MMADHC: variants seen among roughly 807,000 people sequenced by gnomAD.
MMADHC encodes cobalamin trafficking protein CblD.
A neutral mutation model predicts 36.3 loss-of-function variants in MMADHC; 23 were observed. The observed-to-expected ratio is 0.63, with a 90% CI of 0.46 to 0.90. The LOEUF (loss-of-function observed/expected upper bound fraction) is 0.90, where lower values mean the gene tolerates loss of function less well. Ranked by LOEUF, MMADHC falls within the 40% of genes least tolerant of loss-of-function variation. MMADHC has a pLI of 0.00. For missense variants in MMADHC, 330 were observed against 348.0 expected (o/e 0.95, Z 0.41); for synonymous variants, 97 against 116.1 (o/e 0.84, Z 1.06).
intron 4 of MMADHC, 68 bp from the exon 5 acceptor site, chr2:149,576,610 A>AAAAT: frequency 9.1e-7 from 1 of 1,093,502 alleles, no homozygotes; most frequent in East Asian, 2.4e-5. Flanking sequence ...TGCCTGTTAT[A>AAAAT]AACCTGTCTT....
At chr2:149,583,824 T>C (rs1665863884) in intron 2 of MMADHC, among the ~76,000 whole-genome samples, 1 of 152,212 alleles carries the variant, frequency 6.6e-6, no homozygotes, top group Non-Finnish European at 1.5e-5. Context: ...TCCCTTACTC[T>C]ACTTTTCAAT....
chr2:149,573,640 A>T (rs1379284604), intron 6 of MMADHC, among the ~76,000 whole-genome samples: 5 of 152,228 alleles, frequency 3.3e-5, no homozygotes, highest in Non-Finnish European at 7.3e-5. Context: ...ATAACCATTA[A>T]GATAATACTG....
chr2:149,573,352 C>T (rs1194522118), intron 6 of MMADHC, among the ~76,000 whole-genome samples: 1 of 152,186 alleles, frequency 6.6e-6, no homozygotes, highest in Non-Finnish European at 1.5e-5. Flanking sequence ...TGTGTTTTAA[C>T]CCTGTAAGGA....
intron 2 of MMADHC, among the ~76,000 whole-genome samples, chr2:149,584,226 T>C (rs1415929003): frequency 1.3e-5 from 2 of 152,218 alleles, no homozygotes; most frequent in South Asian, 2.1e-4. Context: ...AAAAATATTT[T>C]CAGCAAGGGC....
At chr2:149,584,529 C>G (rs1558849624) in intron 2 of MMADHC, among the ~76,000 whole-genome samples, 1 of 152,082 alleles carries the variant, frequency 6.6e-6, no homozygotes, top group East Asian at 1.9e-4. Flanking sequence ...ATTATTTTAG[C>G]CTGTCTATCA....
rs80277208 is a variant in MMADHC at position 149,575,544 on chromosome 2, A to C, written c.609+167T>G. 6.4e-3 allele frequency among the ~76,000 whole-genome samples: 975 copies of C among 152,336 alleles called. 13 individuals are homozygous for C. The highest frequency in any genetic ancestry group is 0.022 in the African/African-American group (929 of 41,578). ...AGAATCTAAACTTTTAAGGATACTAAAAAGCTGCACTTTTACTCTCAAAAA... is the reference window on the plus strand; with the variant it reads ...AGAATCTAAACTTTTAAGGATACTACAAAGCTGCACTTTTACTCTCAAAAA... On this transcript the variant is annotated intron_variant, in intron 6 of 7. Transcript: ENST00000303319.
At chr2:149,587,023 G>C (rs374231960) in intron 2 of MMADHC, 66 bp downstream of exon 2, 13 of 1,514,830 alleles carry the variant, frequency 8.6e-6, no homozygotes, top group South Asian at 1.1e-5. Flanking sequence ...AATTAAACCC[G>C]TTCTTTCATT....
At chr2:149,574,903 T>G (rs1682691170) in intron 6 of MMADHC, among the ~76,000 whole-genome samples, 1 of 152,144 alleles carries the variant, frequency 6.6e-6, no homozygotes, top group Non-Finnish European at 1.5e-5. Flanking sequence ...CAGGCTCCAG[T>G]GATCCGCCAC....
rs142286372 is a variant in MMADHC at position 149,577,696 on chromosome 2, AT to A, written c.373-1155del. On this transcript the variant is annotated intron_variant, in intron 4 of 7. Transcript: ENST00000303319. ...GAAAAAAAAATATTGTGGGCTAGAGATTATTACTATCCTCATGTGACATTTA... is the reference window on the plus strand; with the variant it reads ...GAAAAAAAAATATTGTGGGCTAGAGATATTACTATCCTCATGTGACATTTA... Among the ~76,000 whole-genome samples, 1,373 of 152,168 alleles carry A rather than the reference AT, an allele frequency of 9.0e-3. 9 individuals are homozygous for A. The highest frequency in any genetic ancestry group is 0.013 in the Non-Finnish European group (904 of 67,974).
At chr2:149,571,701 ACCCGGGAGGCAGAGCTTGCAGTGAG>A (rs1682642480) in intron 6 of MMADHC, among the ~76,000 whole-genome samples, 1 of 151,312 alleles carries the variant, frequency 6.6e-6, no homozygotes, top group Admixed American at 6.6e-5. Context: ...AATGGCGTGA[ACCCGGGAGGCAGAGCTTGCAGTGAG>A]CCGAGATCGC....
At chr2:149,580,645 TA>T (rs1296196199) in intron 3 of MMADHC, among the ~76,000 whole-genome samples, 1 of 152,184 alleles carries the variant, frequency 6.6e-6, no homozygotes. Flanking sequence ...GTCAGAGAAC[TA>T]AGTAACTGAG....
At chr2:149,576,583 CA>C in intron 4 of MMADHC, 41 bp from the exon 5 acceptor site, 3 of 1,328,190 alleles carry the variant, frequency 2.3e-6, no homozygotes, top group Non-Finnish European at 3.3e-6. Flanking sequence ...ATCTGGAGTT[CA>C]AATAAAACGG....
chr2:149,578,683 T>C (rs1470682832), intron 4 of MMADHC, among the ~76,000 whole-genome samples: 1 of 152,104 alleles, frequency 6.6e-6, no homozygotes, highest in Non-Finnish European at 1.5e-5. Flanking sequence ...AGGAATTATC[T>C]GAGATAAAAA....
rs377571291 is a variant in MMADHC, at chr2:149,575,783, T to C, written c.537A>G (p.Thr179=). 11 of 1,609,318 alleles carry C rather than the reference T, an allele frequency of 6.8e-6. No homozygotes were observed. The highest frequency in any genetic ancestry group is 9.3e-6 in the Non-Finnish European group (11 of 1,176,508). The change falls in exon 6 of 8, where the codon ACA becomes ACG. Residue 179 remains threonine, a synonymous_variant. Coordinates refer to ENST00000303319, the MANE Select transcript of MMADHC (RefSeq NM_015702.3). The stretch of plus-strand genomic sequence containing the variant: ...CAGTCATATCATTCTTAGTTTTTTG[T>C]GTTACAGTCAGAATCATTAGTTTGC... ...ANGKLMILTV[T]QKTKNDMTVW...
At position 149,584,085 on chromosome 2, in the gene MMADHC, A is replaced by C. The variant is rs144039153; in HGVS notation, c.10-1814T>G. ...ACTTGCCCAAAGAAACAAAAATGGT[A>C]ATTATTTGGCTTTTTACTTACTAAA... is the stretch of plus-strand genomic sequence containing the variant. On this transcript the variant is annotated intron_variant, in intron 2 of 7. Transcript: ENST00000303319. 1.9e-3 allele frequency among the ~76,000 whole-genome samples: 286 copies of C among 152,304 alleles called. 2 individuals carry two copies. The highest frequency in any genetic ancestry group is 6.5e-3 in the African/African-American group (269 of 41,560).
chr2:149,570,936 A>G (rs1682629501), intron 7 of MMADHC, 149 bp downstream of exon 7: 2 of 611,612 alleles, frequency 3.3e-6, no homozygotes, highest in South Asian at 2.4e-5. Context: ...TCAAAAGTTG[A>G]GAATTCAACT....
chr2:149,574,467 C>T (rs1225178156), intron 6 of MMADHC, among the ~76,000 whole-genome samples: 1 of 152,064 alleles, frequency 6.6e-6, no homozygotes, highest in Admixed American at 6.6e-5. Flanking sequence ...CATCTAATCC[C>T]AAATATAAAA....
intron 2 of MMADHC, 150 bp from the exon 3 acceptor site, chr2:149,582,421 T>C (rs1682808302): frequency 6.8e-6 from 4 of 588,846 alleles, no homozygotes; most frequent in South Asian, 5.9e-5. Flanking sequence ...GAAAGCATTA[T>C]ATATATTTGT....
chr2:149,579,237 A>G (rs1313186588), intron 4 of MMADHC, among the ~76,000 whole-genome samples, 194 bp downstream of exon 4: 1 of 152,130 alleles, frequency 6.6e-6, no homozygotes, highest in Non-Finnish European at 1.5e-5. Context: ...AATCTACAGT[A>G]AAAAAATTAT....
Sources: gnomAD v4.1 joint callset for allele counts (sites outside exome capture counted in the v4.1 genomes callset) on GRCh38, gnomAD v4.1.1 for gene constraint, MANE v1.5 for transcripts, NCBI Gene and HGNC (gene_info 2026-07-23, HGNC 2026-07-21) for gene names.